Variants in SYN1 observed in about 807,000 individuals in gnomAD.
The protein encoded by SYN1 is synapsin-1.
Under a neutral mutation model 44.6 loss-of-function variants are expected in SYN1, and 8 were observed. The observed-to-expected ratio is 0.18, with a 90% confidence interval of 0.11 to 0.32. The LOEUF (loss-of-function observed/expected upper bound fraction) is 0.32. SYN1 is among the 10% of genes least tolerant of loss of function. The pLI, the probability that SYN1 is intolerant of heterozygous loss-of-function variation, is 1.00. For synonymous variants in SYN1, 275 were observed against 280.1 expected, an observed-to-expected ratio of 0.98 and a Z score of 0.18; for missense variants, 451 against 639.4, an observed-to-expected ratio of 0.71 and a Z score of 3.18.
intron 5 of SYN1, among the ~76,000 whole-genome samples, chrX:47,601,053 A>G (rs961457830): frequency 2.7e-5 from 3 of 112,097 alleles, no homozygotes; most frequent in Admixed American, 1.9e-4. Flanking sequence ...AATAAATGAC[A>G]TAAAGAATTT....
In SYN1 at chrX:47,572,523, G is replaced by A. The variant is rs2057763144; in HGVS notation, c.*341C>T. 2 of 221,937 alleles carry A rather than the reference G, an allele frequency of 9.0e-6. No individual in the cohort carries two copies. Among genetic ancestry groups the A allele is most frequent in the African/African-American group, 2.9e-5 (1 of 34,951 alleles). 18.3% of individuals were successfully genotyped at this position (221,937 alleles called of 1,213,427 possible). The stretch of plus-strand genomic sequence containing the variant: ...GGCTCCAGGAAGGGATTCTGCAATG[G>A]GTTGCCTGGTATTTGGGCACTTCCA... On this transcript the variant is annotated 3_prime_UTR_variant, in exon 13 of 13. Coordinates refer to ENST00000295987, the MANE Select transcript of SYN1 (RefSeq NM_006950.3).
chrX:47,616,051 C>G (rs12012797), intron 1 of SYN1, among the ~76,000 whole-genome samples: 40,649 of 110,257 alleles, frequency 0.37, 5,966 homozygotes, highest in African/African-American at 0.53. Flanking sequence ...GACTGTATTT[C>G]GGTGTACATT....
chrX:47,586,467 T>C, intron 5 of SYN1: 1 of 1,186,637 alleles, frequency 8.4e-7, no homozygotes, highest in Non-Finnish European at 1.1e-6. Flanking sequence ...GAAGTTCTGC[T>C]CCACGGGGGA....
intron 5 of SYN1, among the ~76,000 whole-genome samples, chrX:47,593,030 A>G (rs2057852907): frequency 9.3e-6 from 1 of 107,701 alleles, no homozygotes; most frequent in South Asian, 4.0e-4. Context: ...GTGCACCACC[A>G]TGTCTGGCTA....
chrX:47,573,822 C>T (rs891804173), intron 12 of SYN1, among the ~76,000 whole-genome samples, 180 bp downstream of exon 12: 1 of 109,603 alleles, frequency 9.1e-6, no homozygotes, highest in East Asian at 2.9e-4. Flanking sequence ...GGGTGCGGAG[C>T]CTCTGGTGGG....
intron 5 of SYN1, chrX:47,584,860 T>C: frequency 7.0e-6 from 6 of 861,255 alleles, no homozygotes; most frequent in Non-Finnish European, 1.0e-5. Context: ...GCTGGTATGA[T>C]GATGATGATG....
intron 5 of SYN1, among the ~76,000 whole-genome samples, chrX:47,594,582 G>A (rs1364810964): frequency 1.8e-5 from 2 of 110,949 alleles, no homozygotes; most frequent in Non-Finnish European, 3.8e-5. Flanking sequence ...TTTAGAAGGG[G>A]TCCTGCCCAA....
chrX:47,605,392 G>C lies in SYN1; in HGVS notation c.528-13C>G. ...CGGCTTCAGAGACCTAGTGTGGCAG[G>C]GGTAGGAGTGTTGAGAGTTCCCCCA... On this transcript the variant is annotated splice_polypyrimidine_tract_variant and intron_variant, in intron 3 of 12. Coordinates refer to ENST00000295987, the MANE Select transcript of SYN1 (RefSeq NM_006950.3). The C allele has an allele frequency of 8.3e-7, 1 of 1,209,716 alleles. No homozygotes were observed.
chrX:47,575,153 G>A lies in SYN1; in HGVS notation c.1280C>T (p.Ser427Phe), dbSNP rs1465914158. Residue 427 changes from serine to phenylalanine, a missense_variant, in exon 10 of 13, where the codon TCC becomes TTC. Physicochemically the swap from Ser to Phe is radical, Grantham distance 155 (BLOSUM62 -2). Coordinates refer to ENST00000295987, the MANE Select transcript of SYN1 (RefSeq NM_006950.3). ...ALPRQRQRDA[S>F]PGRGSHGQTP... is the part of the protein sequence containing the mutation. ...CTGGCCATGGGAGCCCCTGCCAGGG[G>A]AGGCATCCCGCTGTCGCTGCCGGGG... The A allele has an allele frequency of 8.4e-7, 1 of 1,189,673 alleles. No individual in the cohort carries two copies. Among genetic ancestry groups the A allele is most frequent in the Admixed American group, 2.3e-5 (1 of 42,937 alleles).
chrX:47,593,180 CA>C (rs766636347), intron 5 of SYN1, among the ~76,000 whole-genome samples: 1 of 110,546 alleles, frequency 9.0e-6, no homozygotes, highest in South Asian at 3.8e-4. Flanking sequence ...CGATGTAAGC[CA>C]CCGTGCTCAC....
At chrX:47,612,402 C>T (rs778603292) in intron 1 of SYN1, among the ~76,000 whole-genome samples, 23 of 110,718 alleles carry the variant, frequency 2.1e-4, no homozygotes, top group African/African-American at 7.5e-4. Context: ...CAAGCAGAAC[C>T]AAGCAAGGTG....
intron 1 of SYN1, among the ~76,000 whole-genome samples, chrX:47,617,792 G>GACACT (rs1352409434): frequency 1.5e-4 from 17 of 112,435 alleles, no homozygotes; most frequent in African/African-American, 4.8e-4. Flanking sequence ...GCTCAGGGGA[G>GACACT]CCATTGGAAG....
At chrX:47,614,225 G>A (rs1018118402) in intron 1 of SYN1, among the ~76,000 whole-genome samples, 1 of 111,949 alleles carries the variant, frequency 8.9e-6, no homozygotes, top group African/African-American at 3.2e-5. Context: ...GAGGCAGGGA[G>A]GAGTATGTCT....
At chrX:47,616,708 G>A (rs1274045435) in intron 1 of SYN1, among the ~76,000 whole-genome samples, 6 of 112,135 alleles carry the variant, frequency 5.4e-5, no homozygotes, top group Non-Finnish European at 1.1e-4. Flanking sequence ...ATGATAATGT[G>A]GCTGTTTGAA....
intron 1 of SYN1, among the ~76,000 whole-genome samples, chrX:47,614,794 C>A (rs2057926686): frequency 8.9e-6 from 1 of 112,161 alleles, no homozygotes; most frequent in African/African-American, 3.2e-5. Context: ...TCCCAGGGGG[C>A]AGCCTACAGC....
intron 5 of SYN1, among the ~76,000 whole-genome samples, chrX:47,601,012 C>G (rs2057878054): frequency 9.0e-6 from 1 of 110,976 alleles, no homozygotes; most frequent in Non-Finnish European, 1.9e-5. Flanking sequence ...AAGTCCAAAG[C>G]AAGCACAAGG....
At chrX:47,611,490 G>A (rs2057916541) in intron 1 of SYN1, among the ~76,000 whole-genome samples, 1 of 112,310 alleles carries the variant, frequency 8.9e-6, no homozygotes, top group Admixed American at 9.4e-5. Flanking sequence ...TGCTGACTTG[G>A]CAAATGCATT....
At chrX:47,615,809 T>C (rs904224110) in intron 1 of SYN1, among the ~76,000 whole-genome samples, 2 of 110,828 alleles carry the variant, frequency 1.8e-5, no homozygotes, top group Non-Finnish European at 3.8e-5. Context: ...GGAGGCTCGC[T>C]TGAACCCAGG....
At chrX:47,579,148 C>G (rs1022846104) in intron 5 of SYN1, among the ~76,000 whole-genome samples, 2 of 111,684 alleles carry the variant, frequency 1.8e-5, no homozygotes, top group Non-Finnish European at 3.8e-5. Context: ...CGACTCTTAG[C>G]AATGGACACA....
Sources: allele counts gnomAD v4.1 joint callset (sites outside exome capture counted in the v4.1 genomes callset), GRCh38; gene constraint gnomAD v4.1.1; transcripts MANE v1.5; gene names NCBI Gene and HGNC (gene_info 2026-07-23, HGNC 2026-07-21).